The following ADCY1 variants were observed in gnomAD, a reference collection of about 807,000 sequenced individuals.
The protein encoded by ADCY1 is adenylate cyclase 1.
ADCY1 carries 28 observed loss-of-function variants against 105.4 expected under a neutral mutation model. The observed-to-expected ratio is 0.27, with a 90% CI of 0.20 to 0.36. ADCY1 has a LOEUF of 0.36. Ranked by LOEUF, ADCY1 falls within the 10% of genes least tolerant of loss-of-function variation. The pLI is 1.00. For missense variants in ADCY1, 977 were observed against 1,434.2 expected, an observed-to-expected ratio of 0.68 and a Z score of 5.15; for synonymous variants, 655 against 623.8, an observed-to-expected ratio of 1.05 and a Z score of -0.75.
chr7:45,651,351 C>T (rs1395772267), intron 5 of ADCY1, among the ~76,000 whole-genome samples: 1 of 152,178 alleles, frequency 6.6e-6, no homozygotes, highest in Admixed American at 6.5e-5. Flanking sequence ...GCATCCCCTG[C>T]CAGCCACATT....
chr7:45,660,332 A>G lies in ADCY1; in HGVS notation c.1449+149A>G, dbSNP rs1347481384. On this transcript the variant is annotated intron_variant, in intron 7 of 19. Transcript: ENST00000297323. The stretch of plus-strand genomic sequence containing the variant: ...GATGGGGAGAGTTGTCCCCACTGAC[A>G]CCGTCCTGAGCCTTGTCTCTTACTG... The G allele has an allele frequency of 2.6e-6, 3 of 1,153,284 alleles. No individual in the cohort carries two copies. In the Admixed American group the frequency reaches 7.0e-5, roughly 27 times the overall value. The allele number at this position is 1,153,284 out of a possible 1,614,324, so 71.4% of individuals were successfully genotyped here.
intron 1 of ADCY1, among the ~76,000 whole-genome samples, chr7:45,580,687 G>A (rs79941245): frequency 0.03 from 4,600 of 152,320 alleles, 94 homozygotes; most frequent in African/African-American, 0.055. Context: ...GCAAGCGAGC[G>A]AGAGTAGTGG....
chr7:45,615,413 C>T (rs1040196851), intron 3 of ADCY1, among the ~76,000 whole-genome samples: 1 of 152,122 alleles, frequency 6.6e-6, no homozygotes. Context: ...GCCTAGACAA[C>T]ATAGTAAGAC....
rs142307135 is a variant in ADCY1, at chr7:45,703,305, G to A, written c.2455-71G>A. On this transcript the variant is annotated intron_variant, in intron 14 of 19. Transcript: ENST00000297323. This position sits in a 1 kb window ranked among gnomAD's most constrained non-coding sequence, Gnocchi z 5.9. Reference sequence around the variant, plus strand: ...TGGAGTCCAGTTTGGATGATTAGAAGGAAGTGTGCGGTGGGAACAAGTGAA... The same window carrying A: ...TGGAGTCCAGTTTGGATGATTAGAAAGAAGTGTGCGGTGGGAACAAGTGAA... The A allele has an allele frequency of 4.0e-3, 5,712 of 1,437,014 alleles. 18 individuals are homozygous for A. Among genetic ancestry groups the A allele is most frequent in the Non-Finnish European group, 5.2e-3 (5,305 of 1,021,178 alleles). 89.0% of individuals were successfully genotyped at this position (1,437,014 alleles called of 1,614,324 possible).
intron 2 of ADCY1, among the ~76,000 whole-genome samples, chr7:45,601,863 C>A (rs1259629697): frequency 6.6e-6 from 1 of 152,096 alleles, no homozygotes; most frequent in Non-Finnish European, 1.5e-5. Context: ...GGGCCTGAAA[C>A]CCTCCAGCAG....
chr7:45,684,777 CT>C lies in ADCY1; in HGVS notation c.1984-195del, dbSNP rs950395381. ...TTTGTAATTTAAAGACTTCAGGTTT[CT>C]TTTTTTAACTTTGGCAAGCTTTTCA... On this transcript the variant is annotated intron_variant, in intron 11 of 19. Coordinates refer to ENST00000297323, the MANE Select transcript of ADCY1 (RefSeq NM_021116.4). 2.0e-4 allele frequency: 97 copies of C among 485,818 alleles called. 2 individuals are homozygous for C. The highest frequency in any genetic ancestry group is 1.5e-5 in the Non-Finnish European group (4 of 271,962). The allele number at this position is 485,818 out of a possible 1,614,324, so 30.1% of individuals were successfully genotyped here. A position where few individuals can be genotyped will look rare whatever the true frequency, so the allele number is the denominator to read the frequency against.
chr7:45,693,968 G>A (rs1784828947), intron 14 of ADCY1, among the ~76,000 whole-genome samples: 1 of 106,406 alleles, frequency 9.4e-6, no homozygotes, highest in Non-Finnish European at 1.9e-5. Context: ...ACTGTGGTGG[G>A]GTCGGGGGAG....
rs1006645210 is a variant in ADCY1 at position 45,722,507 on chromosome 7, A to C, written c.*8512A>C. ...TATGCACCACCTCCCTTCAGTCACCACTCCTCTTCCTCCGCCATCCTCATT... is the reference window on the plus strand; with the variant it reads ...TATGCACCACCTCCCTTCAGTCACCCCTCCTCTTCCTCCGCCATCCTCATT... On this transcript the variant is annotated 3_prime_UTR_variant, in exon 20 of 20. Transcript: ENST00000297323. The C allele has an allele frequency of 4.0e-5, 6 of 148,796 alleles. No individual in the cohort carries two copies. The highest frequency in any genetic ancestry group is 1.2e-4 in the African/African-American group (5 of 40,176). The allele number at this position is 148,796 out of a possible 1,614,324, so 9.2% of individuals were successfully genotyped here. A position where few individuals can be genotyped will look rare whatever the true frequency, so the allele number is the denominator to read the frequency against.
chr7:45,664,889 C>T (rs1795228913), intron 8 of ADCY1, among the ~76,000 whole-genome samples: 1 of 152,092 alleles, frequency 6.6e-6, no homozygotes. Context: ...GTTTTAAGTC[C>T]CGCATGCATT....
At chr7:45,586,924 C>T (rs1230466807) in intron 1 of ADCY1, among the ~76,000 whole-genome samples, 1 of 152,212 alleles carries the variant, frequency 6.6e-6, no homozygotes, top group Non-Finnish European at 1.5e-5. Context: ...CAGCAGGCCC[C>T]CCGACCTGTG....
At chr7:45,620,014 G>T (rs986064271) in intron 3 of ADCY1, among the ~76,000 whole-genome samples, 1 of 152,080 alleles carries the variant, frequency 6.6e-6, no homozygotes, top group Admixed American at 6.6e-5. Flanking sequence ...TCTCAATAAA[G>T]GTGTTAAAAG....
At position 45,703,330 on chromosome 7, in the gene ADCY1, A is replaced by C; in HGVS notation, c.2455-46A>C. On this transcript the variant is annotated intron_variant, in intron 14 of 19. Transcript: ENST00000297323. This position sits in a 1 kb window ranked among gnomAD's most constrained non-coding sequence, Gnocchi z 5.9. ...GGAAGTGTGCGGTGGGAACAAGTGA[A>C]GGCAGCGTGAGTGGATGGGACTAAT... 6.4e-7 allele frequency: 1 copy of C among 1,571,178 alleles called. No homozygotes were observed. The highest frequency in any genetic ancestry group is 8.8e-7 in the Non-Finnish European group (1 of 1,141,732).
At chr7:45,607,202 C>T (rs995524895) in intron 2 of ADCY1, among the ~76,000 whole-genome samples, 3 of 152,176 alleles carry the variant, frequency 2.0e-5, no homozygotes, top group Admixed American at 2.0e-4. Flanking sequence ...GTGACAGTGG[C>T]TTACAGAAGT....
chr7:45,667,903 G>A (rs1784291780), intron 8 of ADCY1, among the ~76,000 whole-genome samples: 1 of 152,158 alleles, frequency 6.6e-6, no homozygotes, highest in South Asian at 2.1e-4. Flanking sequence ...TTGTGAATGG[G>A]AGTTCACTCA....
At position 45,647,956 on chromosome 7, in the gene ADCY1, G is replaced by T. The variant is rs777906619; in HGVS notation, c.1021-714G>T. On this transcript the variant is annotated intron_variant, in intron 4 of 19. Coordinates refer to ENST00000297323, the MANE Select transcript of ADCY1 (RefSeq NM_021116.4). This position sits in a 1 kb window ranked among gnomAD's most constrained non-coding sequence, Gnocchi z 4.6. The stretch of plus-strand genomic sequence containing the variant: ...GTTTTAGAGCTGCTGTTTTAATGTT[G>T]TCCCTGAAATAAACACAACAGTCGT... 8.5e-5 allele frequency among the ~76,000 whole-genome samples: 13 copies of T among 152,152 alleles called. No homozygotes were observed. The highest frequency in any genetic ancestry group is 1.6e-4 in the Non-Finnish European group (11 of 68,028).
chr7:45,680,790 C>G (rs1784541245), intron 11 of ADCY1: 1 of 152,204 alleles, frequency 6.6e-6, no homozygotes, highest in South Asian at 2.1e-4. Flanking sequence ...TTTTTAAAGC[C>G]TATTCCTTAG....
intron 8 of ADCY1, 44 bp from the exon 9 acceptor site, chr7:45,677,825 G>A: frequency 1.3e-6 from 2 of 1,582,222 alleles, no homozygotes; most frequent in African/African-American, 1.4e-5. Context: ...TCTTCAATAA[G>A]TGGAGAATTT....
intron 3 of ADCY1, among the ~76,000 whole-genome samples, chr7:45,610,782 G>GGA (rs1793533027): frequency 8.5e-4 from 17 of 20,092 alleles, no homozygotes; most frequent in Non-Finnish European, 7.9e-4. Flanking sequence ...GGAGGTGTGG[G>GGA]GGTGATGGTG....
intron 3 of ADCY1, among the ~76,000 whole-genome samples, chr7:45,619,322 A>C (rs372324323): frequency 6.6e-6 from 1 of 152,130 alleles, no homozygotes; most frequent in Admixed American, 6.5e-5. Context: ...TATAGTAAAC[A>C]ATAATTTATT....
Sources: allele counts gnomAD v4.1 joint callset (sites outside exome capture counted in the v4.1 genomes callset), GRCh38; gene constraint gnomAD v4.1.1; non-coding constraint Gnocchi (gnomAD v3.1); transcripts MANE v1.5; gene names NCBI Gene and HGNC (gene_info 2026-07-23, HGNC 2026-07-21).